The following COL12A1 variants were observed in gnomAD, a reference collection of about 807,000 sequenced individuals.
COL12A1 encodes collagen type XII alpha 1 chain.
In COL12A1, 114 loss-of-function variants were observed where a neutral mutation model predicts 349.7. The ratio of observed to expected loss-of-function variants is 0.33; its 90% CI spans 0.28 to 0.38. The LOEUF (loss-of-function observed/expected upper bound fraction) is 0.38. Among genes scored for constraint, COL12A1 ranks in the 10% least tolerant of loss-of-function variants. The pLI, the probability that COL12A1 is intolerant of heterozygous loss-of-function variation, is 1.00. For synonymous variants in COL12A1, 1,369 were observed against 1,329.0 expected (o/e 1.03, Z -0.66); for missense variants, 3,284 against 3,756.9 (o/e 0.87, Z 3.29).
chr6:75,120,210 GTTAAATTAAGAATATAACCACA>G (rs1293948624), intron 44 of COL12A1, among the ~76,000 whole-genome samples: 4 of 152,046 alleles, frequency 2.6e-5, no homozygotes, highest in African/African-American at 4.8e-5. Context: ...AATTAATGTG[GTTAAATTAAGAATATAACCACA>G]TTAAATTAAG....
At chr6:75,168,539 G>A (rs994299114) in intron 13 of COL12A1, among the ~76,000 whole-genome samples, 4 of 152,104 alleles carry the variant, frequency 2.6e-5, no homozygotes, top group Non-Finnish European at 5.9e-5. Context: ...CAAAATAACT[G>A]GACTGGACTT....
chr6:75,141,632 T>G (rs1766895863), intron 27 of COL12A1, among the ~76,000 whole-genome samples: 1 of 152,224 alleles, frequency 6.6e-6, no homozygotes, highest in African/African-American at 2.4e-5. Flanking sequence ...AAGATGCTTA[T>G]ATTTTGTTAC....
intron 47 of COL12A1, among the ~76,000 whole-genome samples, chr6:75,116,477 A>G (rs1196753330): frequency 6.6e-6 from 1 of 152,230 alleles, no homozygotes; most frequent in Non-Finnish European, 1.5e-5. Flanking sequence ...AACACCATGT[A>G]ACAGTAACAA....
At position 75,152,757 on chromosome 6, in the gene COL12A1, C is replaced by T. The variant is rs588100; in HGVS notation, c.3566-275G>A. 0.021 allele frequency among the ~76,000 whole-genome samples: 3,228 copies of T among 152,166 alleles called. 115 individuals carry two copies. The highest frequency in any genetic ancestry group is 0.073 in the African/African-American group (3,021 of 41,518). On this transcript the variant is annotated intron_variant, in intron 17 of 65. Coordinates refer to ENST00000322507, the MANE Select transcript of COL12A1 (RefSeq NM_004370.6). ...CGATTTCCTGCCCTCTTTCATAGAA[C>T]CTGGAGACTTGAATTAAGCCATTGT...
Position 75,125,283 on chromosome 6 carries a change from C to T in COL12A1, c.6461-10G>A. Reference sequence around the variant, plus strand: ...ATGGGCTCATTGGAACCTTTATTAACAACCACAAAAATACACAGAAACATG... The same window carrying T: ...ATGGGCTCATTGGAACCTTTATTAATAACCACAAAAATACACAGAAACATG... On this transcript the variant is annotated splice_polypyrimidine_tract_variant and intron_variant, in intron 39 of 65. Coordinates refer to ENST00000322507, the MANE Select transcript of COL12A1 (RefSeq NM_004370.6). 1 of 1,588,594 alleles carries T rather than the reference C, an allele frequency of 6.3e-7. No homozygotes were observed. Among genetic ancestry groups the T allele is most frequent in the Non-Finnish European group, 8.6e-7 (1 of 1,168,696 alleles).
chr6:75,205,171 G>A (rs73463827), intron 1 of COL12A1, among the ~76,000 whole-genome samples: 88 of 150,768 alleles, frequency 5.8e-4, no homozygotes, highest in African/African-American at 2.0e-3. Context: ...TCCCGGAGCT[G>A]GGAAAAGTCC....
intron 14 of COL12A1, among the ~76,000 whole-genome samples, chr6:75,163,935 A>G (rs1375876843): frequency 2.0e-5 from 3 of 152,288 alleles, no homozygotes; most frequent in Non-Finnish European, 4.4e-5. Context: ...AAATACATAT[A>G]CTTTTGTAAT....
rs79008704 is a variant in COL12A1, at chr6:75,169,161, C to G, written c.2711-3382G>C. On this transcript the variant is annotated intron_variant, in intron 13 of 65. Transcript: ENST00000322507. ...CACATTAATGAAGTTCTAAGTGTTA[C>G]CTAGCAAGGCATTTACTTGGTTCAA... Among the ~76,000 whole-genome samples the G allele has an allele frequency of 6.6e-4, 101 of 152,248 alleles. 1 individual carries two copies. In the East Asian group the frequency reaches 0.014, roughly 22 times the overall value.
intron 32 of COL12A1, 144 bp downstream of exon 32, chr6:75,134,582 A>C: frequency 1.3e-6 from 1 of 765,644 alleles, no homozygotes. Flanking sequence ...AAAAAAAAGA[A>C]AAGAAAAAAC....
At chr6:75,143,526 G>A (rs1206976450) in intron 25 of COL12A1, 138 bp from the exon 26 acceptor site, 1 of 869,844 alleles carries the variant, frequency 1.1e-6, no homozygotes, top group African/African-American at 1.7e-5. Flanking sequence ...TGATTATGAT[G>A]ATAAAAGTAC....
chr6:75,163,354 C>G (rs1386111770), intron 14 of COL12A1, among the ~76,000 whole-genome samples: 1 of 152,136 alleles, frequency 6.6e-6, no homozygotes, highest in East Asian at 1.9e-4. Flanking sequence ...GAGTTCATGT[C>G]CTTTGCAAGG....
At position 75,103,637 on chromosome 6, in the gene COL12A1, C is replaced by T. The variant is rs1374527566; in HGVS notation, c.8319+120G>A. The T allele has an allele frequency of 6.9e-6, 5 of 722,378 alleles. No individual in the cohort carries two copies. The African/African-American group carries it at 9.0e-5, about 13-fold the overall frequency. 44.7% of individuals were successfully genotyped at this position (722,378 alleles called of 1,614,324 possible). The stretch of plus-strand genomic sequence containing the variant: ...AGATAAGACAGAGGTAATTATATTA[C>T]CTGAGGCACACTGAACCTGAGCTGA... On this transcript the variant is annotated intron_variant, in intron 55 of 65. Coordinates refer to ENST00000322507, the MANE Select transcript of COL12A1 (RefSeq NM_004370.6).
At position 75,183,065 on chromosome 6, in the gene COL12A1, C is replaced by T. The variant is rs373038298; in HGVS notation, c.1876G>A (p.Ala626Thr). 4 of 1,605,302 alleles carry T rather than the reference C, an allele frequency of 2.5e-6. No homozygotes were observed. The highest frequency in any genetic ancestry group is 1.3e-5 in the African/African-American group (1 of 74,504). ...GTCTACTAACCTTTCTTCTTTATAG[C>T]TGCCAATTCTTGCTCAATTCTAAGG... ...ICLRIEQELAAIKKKAYVPPK... is the reference protein window; with the variant it reads ...ICLRIEQELATIKKKAYVPPK... Residue 626 changes from alanine (A) to threonine (T), a missense_variant, in exon 10 of 66, where the codon GCT (alanine) becomes ACT (threonine). Transcript: ENST00000322507.
At chr6:75,134,091 A>C in intron 32 of COL12A1, 94 bp from the exon 33 acceptor site, 1 of 1,363,194 alleles carries the variant, frequency 7.3e-7, no homozygotes, top group Non-Finnish European at 1.0e-6. Context: ...ACCCTAGAAC[A>C]TAGCAGGCAC....
chr6:75,163,512 T>G (rs570228331), intron 14 of COL12A1, among the ~76,000 whole-genome samples: 2 of 151,750 alleles, frequency 1.3e-5, no homozygotes, highest in Admixed American at 1.3e-4. Flanking sequence ...GGGCCTGTAG[T>G]AGGGTAGGGG....
chr6:75,202,779 A>G lies in COL12A1; in HGVS notation c.14T>C (p.Leu5Pro). The G allele has an allele frequency of 6.4e-7, 1 of 1,551,816 alleles. No homozygotes were observed. Among genetic ancestry groups the G allele is most frequent in the Non-Finnish European group, 8.7e-7 (1 of 1,147,012 alleles). ...GCCCAGGGCGGCAAGCGCTGGGGGAAGCCTACTCCGCATCCTTGGCCTCCG... is the reference window on the plus strand; with the variant it reads ...GCCCAGGGCGGCAAGCGCTGGGGGAGGCCTACTCCGCATCCTTGGCCTCCG... MRSR[L>P]PPALAALGAA... The change falls in exon 2 of 66, where the codon CTT becomes CCT. Residue 5 changes from leucine (L) to proline (P), a missense_variant. Physicochemically the swap from Leu to Pro is moderately conservative, Grantham distance 98. Coordinates refer to ENST00000322507, the MANE Select transcript of COL12A1 (RefSeq NM_004370.6).
intron 21 of COL12A1, among the ~76,000 whole-genome samples, chr6:75,148,917 C>T (rs910985551): frequency 6.6e-6 from 1 of 152,048 alleles, no homozygotes; most frequent in Admixed American, 6.6e-5. Context: ...GGGTGGTTTC[C>T]CCCATACTAC....
intron 11 of COL12A1, among the ~76,000 whole-genome samples, chr6:75,178,737 A>C (rs1391423457): frequency 6.6e-5 from 10 of 152,178 alleles, no homozygotes; most frequent in Admixed American, 6.6e-4. Flanking sequence ...CTAGCACAAC[A>C]CGCCTGGCAA....
At position 75,085,303 on chromosome 6, in the gene COL12A1, C is replaced by T. The variant is rs1414775665; in HGVS notation, c.*1244G>A. On this transcript the variant is annotated 3_prime_UTR_variant, in exon 66 of 66. Coordinates refer to ENST00000322507, the MANE Select transcript of COL12A1 (RefSeq NM_004370.6). ...TCGTATTCCGCTGTCCGCTCGGGCT[C>T]CACCGGCACGATGAAGGGCTCGCGC... 2 of 471,146 alleles carry T rather than the reference C, an allele frequency of 4.2e-6. No individual in the cohort carries two copies. The highest frequency in any genetic ancestry group is 3.1e-5 in the South Asian group (2 of 64,570). The allele number at this position is 471,146 out of a possible 1,614,324, so 29.2% of individuals were successfully genotyped here. A position where few individuals can be genotyped will look rare whatever the true frequency, so the allele number is the denominator to read the frequency against.
Sources: gnomAD v4.1 joint callset for allele counts (sites outside exome capture counted in the v4.1 genomes callset) on GRCh38, gnomAD v4.1.1 for gene constraint, MANE v1.5 for transcripts, NCBI Gene and HGNC (gene_info 2026-07-23, HGNC 2026-07-21) for gene names.